Variants in DPEP2 observed in about 807,000 individuals in gnomAD.
The protein encoded by DPEP2 is dipeptidase 2.
A neutral mutation model predicts 51.8 loss-of-function variants in DPEP2; 45 were observed. The ratio of observed to expected loss-of-function variants is 0.87; its 90% confidence interval spans 0.68 to 1.11. DPEP2 has a LOEUF of 1.11. Among genes scored for constraint, DPEP2 ranks in the 50% most tolerant of loss-of-function variants. The pLI is 0.00. For missense variants in DPEP2, 604 were observed against 631.9 expected, an observed-to-expected ratio of 0.96 and a Z score of 0.47; for synonymous variants, 255 against 262.7, an observed-to-expected ratio of 0.97 and a Z score of 0.28.
At position 67,991,180 on chromosome 16, in the gene DPEP2, C is replaced by T. The variant is rs186958025; in HGVS notation, c.667G>A (p.Glu223Lys). 5.6e-6 allele frequency: 9 copies of T among 1,612,932 alleles called. No individual in the cohort carries two copies. In the Admixed American group the frequency reaches 8.3e-5, roughly 15 times the overall value. The change falls in exon 6 of 11, where the codon GAG becomes AAG. Residue 223 changes from glutamate to lysine, a missense_variant. Coordinates refer to ENST00000393847, the MANE Select transcript of DPEP2 (RefSeq NM_022355.4). This position sits in a 1 kb window ranked among gnomAD's most constrained non-coding sequence, Gnocchi z 5.1. The stretch of plus-strand genomic sequence containing the variant: ...GAGTGGACGCCCTTAGCGGAGCTCT[C>T]TGCCCTGCAGGGTGGCCAGGAAGCA... The part of the protein sequence containing the change: ...LTHTCNTPWA[E>K]SSAKGVHSFY...
intron 1 of DPEP2, among the ~76,000 whole-genome samples, chr16:67,997,192 C>A (rs1292804144): frequency 6.6e-6 from 1 of 150,862 alleles, no homozygotes; most frequent in African/African-American, 2.4e-5. Context: ...GCCACCACTC[C>A]CGGCTAATTT....
At chr16:67,996,941 C>A (rs2032729704) in intron 1 of DPEP2, among the ~76,000 whole-genome samples, 3 of 151,536 alleles carry the variant, frequency 2.0e-5, no homozygotes, top group African/African-American at 7.3e-5. Context: ...ATGATAACAC[C>A]ATAGCATTCC....
chr16:67,992,416 T>C, intron 3 of DPEP2, 94 bp downstream of exon 3: 1 of 1,526,850 alleles, frequency 6.5e-7, no homozygotes, highest in Admixed American at 2.0e-5. Context: ...GGTAACTGAG[T>C]TCTCATGTGA....
intron 7 of DPEP2, 116 bp from the exon 8 acceptor site, chr16:67,990,247 A>T: frequency 1.1e-6 from 1 of 896,266 alleles, no homozygotes; most frequent in Non-Finnish European, 1.7e-6. Context: ...GAGTCAGCAG[A>T]AACTTCACCT....
chr16:67,997,529 T>C (rs2032772961), intron 1 of DPEP2, among the ~76,000 whole-genome samples: 1 of 152,132 alleles, frequency 6.6e-6, no homozygotes, highest in Non-Finnish European at 1.5e-5. Flanking sequence ...GCTAATTTTT[T>C]GTATTTTTAG....
chr16:67,993,753 G>C, intron 1 of DPEP2: 1 of 985,882 alleles, frequency 1.0e-6, no homozygotes, highest in Non-Finnish European at 1.2e-6. Context: ...TGGATTTCCT[G>C]GTGCTGGGTT....
rs1046025109 is a variant in DPEP2, at chr16:67,987,929, T to C, written c.1129A>G (p.Ser377Gly). Residue 377 changes from serine to glycine, a missense_variant, in exon 10 of 11, where the codon AGT becomes GGT. By Grantham distance (56) the Ser-to-Gly change is moderately conservative. Coordinates refer to ENST00000393847, the MANE Select transcript of DPEP2 (RefSeq NM_022355.4). ...TYPVLIEELL[S>G]RGWSEEELQG... ...AGCTCTTCCTCACTCCAGCCACGAC[T>C]CAGCAACTCCTCTATCAGGACCGGG... 5.6e-6 allele frequency: 9 copies of C among 1,614,056 alleles called. No homozygotes were observed. The highest frequency in any genetic ancestry group is 3.3e-5 in the Admixed American group (2 of 59,998).
rs755283112 is a variant in DPEP2 at position 67,992,536 on chromosome 16, G to A, written c.364C>T (p.Leu122Phe). Residue 122 changes from leucine (L) to phenylalanine (F), a missense_variant, in exon 3 of 11, where the codon CTT (leucine) becomes TTT (phenylalanine). Transcript: ENST00000393847. ...TGGGCGCCCACGAGGCCATCTCTAA[G>A]CCTGTCCAGGCTGGTCTGGCCGTAG... ...FSYGQTSLDRLRDGLVGAQFW... is the reference protein window; with the variant it reads ...FSYGQTSLDRFRDGLVGAQFW... 1 of 1,614,010 alleles carries A rather than the reference G, an allele frequency of 6.2e-7. No individual in the cohort carries two copies. The highest frequency in any genetic ancestry group is 8.5e-7 in the Non-Finnish European group (1 of 1,179,902).
intron 2 of DPEP2, 98 bp from the exon 3 acceptor site, chr16:67,992,734 A>G (rs2032330846): frequency 6.5e-7 from 1 of 1,545,288 alleles, no homozygotes; most frequent in Non-Finnish European, 8.8e-7. Flanking sequence ...CCCATCCCTC[A>G]TTGTCACATG....
Position 67,987,681 on chromosome 16 carries a change from T to G in DPEP2, c.1286A>C (p.Asp429Ala). 2 of 1,614,084 alleles carry G rather than the reference T, an allele frequency of 1.2e-6. No individual in the cohort carries two copies. Residue 429 changes from aspartate to alanine, a missense_variant, in exon 11 of 11, where the codon GAC (aspartate) becomes GCC (alanine). Asp to Ala is a moderately radical substitution (Grantham distance 126). Transcript: ENST00000393847. ...DEQLSSSCHSDLSRLRQRQSL... is the reference protein window; with the variant it reads ...DEQLSSSCHSALSRLRQRQSL... The stretch of plus-strand genomic sequence containing the variant: ...CTGTCTCTGACGCAGACGTGAGAGG[T>G]CGGAGTGGCAGGAACTGCTCAGCTG...
upstream of DPEP2, chr16:67,999,682 A>T (rs2032916823): frequency 6.1e-6 from 1 of 165,252 alleles, no homozygotes; most frequent in African/African-American, 2.4e-5. Flanking sequence ...AGTAATTTGA[A>T]GGTCGAGGTG....
intron 9 of DPEP2, 45 bp from the exon 10 acceptor site, chr16:67,988,032 C>A: frequency 1.2e-6 from 2 of 1,612,996 alleles, no homozygotes; most frequent in Non-Finnish European, 8.5e-7. Flanking sequence ...ATTCCCTGAT[C>A]ATGACTCAGA....
At chr16:67,989,274 C>T (rs759924965) in intron 9 of DPEP2, 49 bp downstream of exon 9, 4 of 1,602,502 alleles carry the variant, frequency 2.5e-6, no homozygotes, top group South Asian at 2.2e-5. Flanking sequence ...CCGTGAAGGC[C>T]CCACTGCTGT....
At position 67,987,687 on chromosome 16, in the gene DPEP2, T is replaced by C. The variant is rs2031564676; in HGVS notation, c.1280A>G (p.His427Arg). 2 of 1,613,996 alleles carry C rather than the reference T, an allele frequency of 1.2e-6. No homozygotes were observed. Among genetic ancestry groups the C allele is most frequent in the Admixed American group, 1.7e-5 (1 of 59,984 alleles). ...FPDEQLSSSC[H>R]SDLSRLRQRQ... ...CTGACGCAGACGTGAGAGGTCGGAGTGGCAGGAACTGCTCAGCTGCTCATC... is the reference window on the plus strand; with the variant it reads ...CTGACGCAGACGTGAGAGGTCGGAGCGGCAGGAACTGCTCAGCTGCTCATC... The change falls in exon 11 of 11, where the codon CAC becomes CGC. Residue 427 changes from histidine (H) to arginine (R), a missense_variant. By Grantham distance (29) the His-to-Arg change is conservative. Transcript: ENST00000393847.
In DPEP2 at chr16:67,987,997, C is replaced by T; in HGVS notation, c.1071-10G>A. 1 of 1,614,100 alleles carries T rather than the reference C, an allele frequency of 6.2e-7. No individual in the cohort carries two copies. Among genetic ancestry groups the T allele is most frequent in the Non-Finnish European group, 8.5e-7 (1 of 1,180,016 alleles). On this transcript the variant is annotated splice_polypyrimidine_tract_variant and intron_variant, in intron 9 of 10. Coordinates refer to ENST00000393847, the MANE Select transcript of DPEP2 (RefSeq NM_022355.4). ...CAGCCCCTGAGGGAATCTGTGTGGCCACCAGCTAGTGGGTTTCAGACCTGA... is the reference window on the plus strand; with the variant it reads ...CAGCCCCTGAGGGAATCTGTGTGGCTACCAGCTAGTGGGTTTCAGACCTGA...
Position 67,991,858 on chromosome 16 carries a change from G to C in DPEP2, c.642C>G (p.Thr214=). Residue 214 remains threonine (T), a synonymous_variant, in exon 5 of 11, where the codon ACC becomes ACG. Coordinates refer to ENST00000393847, the MANE Select transcript of DPEP2 (RefSeq NM_022355.4). This position sits in a 1 kb window ranked among gnomAD's most constrained non-coding sequence, Gnocchi z 5.1. ...CTCACCAGGGTGTGTTGCAGGTGTG[G>C]GTGAGCGTCAGGTAGCGCACTCCCA... The part of the protein sequence containing the change: ...YMLGVRYLTL[T]HTCNTPWAES... The C allele has an allele frequency of 6.2e-7, 1 of 1,614,148 alleles. No individual in the cohort carries two copies.
At chr16:67,988,097 A>G (rs947928871) in intron 9 of DPEP2, 110 bp from the exon 10 acceptor site, 4 of 1,415,384 alleles carry the variant, frequency 2.8e-6, no homozygotes, top group Non-Finnish European at 3.9e-6. Flanking sequence ...GGAAGTGGAG[A>G]CTTGGAGAGA....
chr16:67,988,168 T>C (rs1052163763), intron 9 of DPEP2, 181 bp from the exon 10 acceptor site: 1 of 671,758 alleles, frequency 1.5e-6, no homozygotes, highest in African/African-American at 1.8e-5. Context: ...TCCTTGAATA[T>C]TTATCAAAAC....
At chr16:67,995,003 C>G (rs1408925077) in intron 1 of DPEP2, 1 of 583,432 alleles carries the variant, frequency 1.7e-6, no homozygotes, top group African/African-American at 2.0e-5. Context: ...TGGGTTCAAG[C>G]GATTCTTGTG....
Sources: allele counts gnomAD v4.1 joint callset (sites outside exome capture counted in the v4.1 genomes callset), GRCh38; gene constraint gnomAD v4.1.1; non-coding constraint Gnocchi (gnomAD v3.1); transcripts MANE v1.5; gene names NCBI Gene and HGNC (gene_info 2026-07-23, HGNC 2026-07-21).